CNTNAP2: variants seen among roughly 807,000 people sequenced by gnomAD.
The protein encoded by CNTNAP2 is contactin associated protein 2, also known as contactin-associated protein-like 2.
Under a neutral mutation model 155.2 loss-of-function variants are expected in CNTNAP2, and 98 were observed. The observed-to-expected ratio is 0.63, with a 90% CI of 0.54 to 0.75. The LOEUF (loss-of-function observed/expected upper bound fraction) is 0.75, where lower values mean the gene tolerates loss of function less well. Among genes scored for constraint, CNTNAP2 ranks in the 30% least tolerant of loss-of-function variants. The pLI is 0.00. For synonymous variants in CNTNAP2, 651 were observed against 631.2 expected (o/e 1.03, Z -0.47); for missense variants, 1,727 against 1,688.1 (o/e 1.02, Z -0.40).
intron 15 of CNTNAP2, chr7:148,014,013 C>G (rs1437731081): frequency 6.6e-6 from 1 of 152,120 alleles, no homozygotes; most frequent in Non-Finnish European, 1.5e-5. Context: ...AATAATGCAG[C>G]ATTCCCAAAT....
chr7:147,696,793 AT>A (rs1013285742), intron 13 of CNTNAP2, among the ~76,000 whole-genome samples: 31 of 148,360 alleles, frequency 2.1e-4, no homozygotes, highest in East Asian at 4.0e-4. Context: ...AGGTTGGCTG[AT>A]TTTTTTTTTC....
intron 18 of CNTNAP2, among the ~76,000 whole-genome samples, chr7:148,215,239 G>A (rs1315383296): frequency 2.0e-5 from 3 of 152,152 alleles, no homozygotes; most frequent in African/African-American, 7.2e-5. Flanking sequence ...GCATATTCAG[G>A]GAGGTGAAGA....
At chr7:146,260,881 A>G (rs1175104913) in intron 1 of CNTNAP2, among the ~76,000 whole-genome samples, 1 of 152,138 alleles carries the variant, frequency 6.6e-6, no homozygotes, top group Non-Finnish European at 1.5e-5. Context: ...TGACATTTGG[A>G]AGGTGGCAGA....
chr7:146,946,614 G>C (rs1163212530), intron 3 of CNTNAP2, among the ~76,000 whole-genome samples: 1 of 152,102 alleles, frequency 6.6e-6, no homozygotes, highest in Non-Finnish European at 1.5e-5. Context: ...TGGTGCAAAA[G>C]TAATTACAGT....
chr7:147,013,865 G>A (rs554766420), intron 3 of CNTNAP2, among the ~76,000 whole-genome samples: 1 of 152,240 alleles, frequency 6.6e-6, no homozygotes, highest in East Asian at 1.9e-4. Flanking sequence ...CCCAAATACA[G>A]TGCTAAGAGC....
rs138880323 is a variant in CNTNAP2, at chr7:147,700,349, G to T, written c.2098+61043G>T. On this transcript the variant is annotated intron_variant, in intron 13 of 23. Transcript: ENST00000361727. ...GCCACCAGTGCACTGTTCCAGGAGG[G>T]CTGTTCACATGGAGGCCCACAGTCA... Among the ~76,000 whole-genome samples the T allele has an allele frequency of 6.7e-3, 1,025 of 152,224 alleles. 5 individuals carry two copies. Among genetic ancestry groups the T allele is most frequent in the Non-Finnish European group, 0.01 (704 of 68,014 alleles).
intron 11 of CNTNAP2, among the ~76,000 whole-genome samples, chr7:147,510,357 T>C (rs1798992356): frequency 6.6e-6 from 1 of 152,056 alleles, no homozygotes; most frequent in Non-Finnish European, 1.5e-5. Flanking sequence ...TACCTCATGA[T>C]CAAGAGTTTC....
At chr7:147,062,165 A>C (rs994572433) in intron 4 of CNTNAP2, among the ~76,000 whole-genome samples, 6 of 130,302 alleles carry the variant, frequency 4.6e-5, no homozygotes, top group East Asian at 4.3e-4. Flanking sequence ...AAAAAAAAAA[A>C]AAAAACCAGT....
chr7:148,033,465 C>T (rs1318546886), intron 15 of CNTNAP2, among the ~76,000 whole-genome samples: 1 of 151,736 alleles, frequency 6.6e-6, no homozygotes, highest in Admixed American at 6.6e-5. Context: ...CTCTAAGTTC[C>T]CTTCCTCTAC....
intron 16 of CNTNAP2, among the ~76,000 whole-genome samples, chr7:148,119,359 TAAAAATACAAAAAAA>T (rs1407824129): frequency 3.7e-5 from 4 of 109,252 alleles, no homozygotes; most frequent in African/African-American, 1.1e-4. Context: ...CCATCTCTAC[TAAAAATACAAAAAAA>T]AAAAAATTAG....
chr7:148,118,091 C>G, intron 15 of CNTNAP2, 27 bp from the exon 16 acceptor site: 1 of 1,613,282 alleles, frequency 6.2e-7, no homozygotes, highest in African/African-American at 1.3e-5. Flanking sequence ...TGTGAGTTAA[C>G]CTGATTTTTT....
In CNTNAP2 at chr7:148,415,412, G is replaced by T. The variant is rs745770134; in HGVS notation, c.3797-5G>T. ...AACCTCTCGTGCTTCTCCTTTCTCC[G>T]TCAGGCGTCATTGCTGTGGTGATTT... On this transcript the variant is annotated splice_region_variant and splice_polypyrimidine_tract_variant and intron_variant, in intron 23 of 23. Coordinates refer to ENST00000361727, the MANE Select transcript of CNTNAP2 (RefSeq NM_014141.6). 6.2e-7 allele frequency: 1 copy of T among 1,613,016 alleles called. No individual in the cohort carries two copies. The highest frequency in any genetic ancestry group is 1.1e-5 in the South Asian group (1 of 91,078).
intron 13 of CNTNAP2, among the ~76,000 whole-genome samples, chr7:147,796,188 C>A (rs990203137): frequency 7.9e-5 from 12 of 152,128 alleles, no homozygotes; most frequent in Non-Finnish European, 1.5e-4. Flanking sequence ...ATATCTATGT[C>A]CAATAATTTG....
chr7:146,633,832 G>GAAAAAAAAAAAAAAAAAAAAAAAAAAAAA (rs60993956), intron 1 of CNTNAP2, among the ~76,000 whole-genome samples: 1 of 79,048 alleles, frequency 1.3e-5, no homozygotes, highest in African/African-American at 6.0e-5. Context: ...TGCATCTAGA[G>GAAAAAAAAAAAAAAAAAAAAAAAAAAAAA]AAAAAAAAAA....
intron 17 of CNTNAP2, among the ~76,000 whole-genome samples, chr7:148,158,099 G>A (rs1396930651): frequency 6.6e-6 from 1 of 151,940 alleles, no homozygotes; most frequent in Non-Finnish European, 1.5e-5. Flanking sequence ...ACTTACAGTT[G>A]CCATGTATGT....
intron 13 of CNTNAP2, among the ~76,000 whole-genome samples, chr7:147,748,176 A>C (rs1451644211): frequency 6.6e-6 from 1 of 152,222 alleles, no homozygotes; most frequent in Non-Finnish European, 1.5e-5. Flanking sequence ...AGCTAAGAAA[A>C]ACTAGTCAGA....
At chr7:148,242,599 C>T (rs993370355) in intron 20 of CNTNAP2, among the ~76,000 whole-genome samples, 1 of 152,226 alleles carries the variant, frequency 6.6e-6, no homozygotes, top group Admixed American at 6.5e-5. Context: ...TCGCGGATAC[C>T]GCGATGGCGG....
intron 1 of CNTNAP2, among the ~76,000 whole-genome samples, chr7:146,460,490 G>A (rs1387763700): frequency 6.6e-6 from 1 of 152,098 alleles, no homozygotes; most frequent in Admixed American, 6.5e-5. Flanking sequence ...GTTTATTGAA[G>A]CACTGTTCGC....
chr7:147,871,780 T>C (rs56974313), intron 13 of CNTNAP2, among the ~76,000 whole-genome samples: 1 of 152,000 alleles, frequency 6.6e-6, no homozygotes, highest in African/African-American at 2.4e-5. Flanking sequence ...ACTATGTGAG[T>C]CGTGGCCGAA....
Sources: gnomAD v4.1 joint callset for allele counts (sites outside exome capture counted in the v4.1 genomes callset) on GRCh38, gnomAD v4.1.1 for gene constraint, MANE v1.5 for transcripts, NCBI Gene and HGNC (gene_info 2026-07-23, HGNC 2026-07-21) for gene names.